The following NKAIN2 variants were observed in gnomAD, a reference collection of about 807,000 sequenced individuals.
NKAIN2 encodes sodium/potassium-transporting ATPase subunit beta-1-interacting protein 2.
Under a neutral mutation model 32.6 loss-of-function variants are expected in NKAIN2, and 14 were observed. The observed-to-expected ratio is 0.43, with a 90% CI of 0.28 to 0.67. The LOEUF (loss-of-function observed/expected upper bound fraction) is 0.67. Ranked by LOEUF, NKAIN2 falls within the 30% of genes least tolerant of loss-of-function variation. NKAIN2 has a pLI of 0.17. For synonymous variants in NKAIN2, 80 were observed against 87.2 expected (o/e 0.92, Z 0.46); for missense variants, 198 against 258.3 (o/e 0.77, Z 1.60).
chr6:124,066,915 C>T (rs1384734255), intron 1 of NKAIN2, among the ~76,000 whole-genome samples: 2 of 151,802 alleles, frequency 1.3e-5, no homozygotes, highest in Non-Finnish European at 2.9e-5. Flanking sequence ...GCAGCAAATA[C>T]TCAAACTCCC....
chr6:124,418,457 T>C (rs1774595026), intron 3 of NKAIN2, among the ~76,000 whole-genome samples: 1 of 148,906 alleles, frequency 6.7e-6, no homozygotes, highest in South Asian at 2.1e-4. Context: ...ATGGGAACTA[T>C]ACATATAGTT....
intron 4 of NKAIN2, among the ~76,000 whole-genome samples, chr6:124,705,111 CAAG>C (rs563525801): frequency 1.3e-5 from 2 of 151,942 alleles, no homozygotes; most frequent in East Asian, 3.9e-4. Context: ...CTTCCAAGAA[CAAG>C]ATCATGATCA....
chr6:124,499,034 C>A (rs1319188752), intron 3 of NKAIN2, among the ~76,000 whole-genome samples: 2 of 152,112 alleles, frequency 1.3e-5, no homozygotes, highest in Admixed American at 1.3e-4. Flanking sequence ...TCCCAAAGTG[C>A]TGGTATTACA....
At chr6:124,083,003 C>A (rs111728206) in intron 1 of NKAIN2, among the ~76,000 whole-genome samples, 26 of 152,032 alleles carry the variant, frequency 1.7e-4, no homozygotes, top group African/African-American at 6.3e-4. Flanking sequence ...AAAGACAGCT[C>A]TTTTCAATAT....
intron 3 of NKAIN2, among the ~76,000 whole-genome samples, chr6:124,527,820 A>G (rs1779375880): frequency 6.6e-6 from 1 of 152,284 alleles, no homozygotes; most frequent in African/African-American, 2.4e-5. Flanking sequence ...GTCATACAGG[A>G]TAAGTGGAGG....
chr6:123,883,029 G>T (rs1773521471), intron 1 of NKAIN2, among the ~76,000 whole-genome samples: 1 of 152,084 alleles, frequency 6.6e-6, no homozygotes, highest in Non-Finnish European at 1.5e-5. Context: ...TATGGTTTGT[G>T]TCCTTGCCCA....
At chr6:124,801,484 T>C (rs1049026305) in intron 5 of NKAIN2, among the ~76,000 whole-genome samples, 8 of 152,200 alleles carry the variant, frequency 5.3e-5, no homozygotes, top group African/African-American at 1.9e-4. Flanking sequence ...AGAACATCGC[T>C]GTCAAGATTC....
At chr6:123,879,059 G>T (rs1047589227) in intron 1 of NKAIN2, among the ~76,000 whole-genome samples, 1 of 151,910 alleles carries the variant, frequency 6.6e-6, no homozygotes, top group African/African-American at 2.4e-5. Flanking sequence ...AACCTCTAAG[G>T]CTTAGAAAAG....
chr6:124,056,664 A>T (rs1413551669), intron 1 of NKAIN2, among the ~76,000 whole-genome samples: 1 of 152,060 alleles, frequency 6.6e-6, no homozygotes, highest in Non-Finnish European at 1.5e-5. Context: ...TTTAAATAAT[A>T]GCATGAAAGG....
At chr6:124,681,918 A>C (rs2114506273) in intron 4 of NKAIN2, among the ~76,000 whole-genome samples, 1 of 152,108 alleles carries the variant, frequency 6.6e-6, no homozygotes, top group South Asian at 2.1e-4. Context: ...CAGTGAAGCA[A>C]ATTTGCAAAG....
chr6:124,057,965 C>T (rs2114848482), intron 1 of NKAIN2, among the ~76,000 whole-genome samples: 1 of 152,128 alleles, frequency 6.6e-6, no homozygotes, highest in South Asian at 2.1e-4. Flanking sequence ...TAGGTATTTG[C>T]TCACAAGACA....
At chr6:124,483,880 TATG>T (rs1257261835) in intron 3 of NKAIN2, among the ~76,000 whole-genome samples, 3 of 152,192 alleles carry the variant, frequency 2.0e-5, no homozygotes, top group Non-Finnish European at 4.4e-5. Context: ...AACCAATCGC[TATG>T]ATAAGAAGAA....
chr6:123,942,305 T>A, intron 1 of NKAIN2, among the ~76,000 whole-genome samples: 1 of 152,144 alleles, frequency 6.6e-6, no homozygotes, highest in Middle Eastern at 3.4e-3. Flanking sequence ...TACGTAATAC[T>A]GATATTTAAT....
At chr6:124,268,832 A>G (rs1314287331) in intron 1 of NKAIN2, among the ~76,000 whole-genome samples, 1 of 152,082 alleles carries the variant, frequency 6.6e-6, no homozygotes, top group Non-Finnish European at 1.5e-5. Flanking sequence ...TAGACAAATC[A>G]TCTTTACCAA....
At chr6:124,791,009 A>G (rs1295079037) in intron 4 of NKAIN2, among the ~76,000 whole-genome samples, 3 of 152,156 alleles carry the variant, frequency 2.0e-5, no homozygotes, top group Admixed American at 2.0e-4. Flanking sequence ...CTAGAAGTTG[A>G]TGGGCACAAA....
chr6:124,760,843 T>G (rs1778231644), intron 4 of NKAIN2, among the ~76,000 whole-genome samples: 1 of 152,200 alleles, frequency 6.6e-6, no homozygotes, highest in Non-Finnish European at 1.5e-5. Context: ...TGTCTGAGTA[T>G]GTGTCCAATC....
At chr6:124,758,701 A>G (rs1406816733) in intron 4 of NKAIN2, among the ~76,000 whole-genome samples, 1 of 152,086 alleles carries the variant, frequency 6.6e-6, no homozygotes, top group African/African-American at 2.4e-5. Context: ...TTACAGCTTC[A>G]ATTGGGTGAT....
At chr6:124,233,207 G>T (rs1278577457) in intron 1 of NKAIN2, among the ~76,000 whole-genome samples, 1 of 151,158 alleles carries the variant, frequency 6.6e-6, no homozygotes, top group Admixed American at 6.6e-5. Context: ...AATTTTAAAA[G>T]ACAAAGTTAC....
chr6:124,427,144 T>G (rs913832460), intron 3 of NKAIN2, among the ~76,000 whole-genome samples: 1 of 152,242 alleles, frequency 6.6e-6, no homozygotes, highest in East Asian at 1.9e-4. Context: ...ATATCTTGGA[T>G]GTTCTACTCC....
Sources: gnomAD v4.1 joint callset for allele counts (sites outside exome capture counted in the v4.1 genomes callset) on GRCh38, gnomAD v4.1.1 for gene constraint, MANE v1.5 for transcripts, NCBI Gene and HGNC (gene_info 2026-07-23, HGNC 2026-07-21) for gene names.